The following LIG3 variants were observed in gnomAD, a reference collection of about 807,000 sequenced individuals.
LIG3 encodes DNA ligase 3.
LIG3 carries 58 observed loss-of-function variants against 110.9 expected under a neutral mutation model. The ratio of observed to expected loss-of-function variants is 0.52; its 90% CI spans 0.42 to 0.65. The LOEUF (loss-of-function observed/expected upper bound fraction) is 0.65. Ranked by LOEUF, LIG3 falls within the 30% of genes least tolerant of loss-of-function variation. The pLI, the probability that LIG3 is intolerant of heterozygous loss-of-function variation, is 0.00. For missense variants in LIG3, 1,094 were observed against 1,273.8 expected (o/e 0.86, Z 2.15); for synonymous variants, 422 against 472.8 (o/e 0.89, Z 1.39).
intron 13 of LIG3, 140 bp downstream of exon 13, chr17:34,998,436 C>G: frequency 9.1e-7 from 1 of 1,095,642 alleles, no homozygotes. Context: ...CAGATGTGTC[C>G]TGGATCTGGA....
chr17:34,994,146 C>T (rs1367366774), intron 8 of LIG3, 130 bp from the exon 9 acceptor site: 5 of 740,570 alleles, frequency 6.8e-6, no homozygotes, highest in East Asian at 2.8e-5. Context: ...CTTCCCTGAG[C>T]GTTAATTGTG....
intron 4 of LIG3, chr17:34,989,889 G>C (rs1157847127): frequency 1.1e-5 from 6 of 541,038 alleles, no homozygotes; most frequent in Non-Finnish European, 2.0e-5. Context: ...GAGCACTTTG[G>C]CATCTGTCTT....
intron 8 of LIG3, among the ~76,000 whole-genome samples, chr17:34,993,848 C>T (rs915551176): frequency 6.6e-6 from 1 of 152,112 alleles, no homozygotes; most frequent in Admixed American, 6.5e-5. Flanking sequence ...TAGGGACCCA[C>T]GATCACTCAC....
At chr17:34,996,852 A>G (rs2090783632) in intron 11 of LIG3, among the ~76,000 whole-genome samples, 199 bp downstream of exon 11, 2 of 152,234 alleles carry the variant, frequency 1.3e-5, no homozygotes, top group Admixed American at 1.3e-4. Context: ...TCAGTTCCCC[A>G]TTCAGTGTAA....
At chr17:34,997,013 ATGGCACCCCTAGGGGCTCCAG>A (rs1251176292) in intron 11 of LIG3, 4 of 195,468 alleles carry the variant, frequency 2.0e-5, no homozygotes, top group Admixed American at 5.4e-5. Flanking sequence ...TATTTCTCCA[ATGGCACCCCTAGGGGCTCCAG>A]TGGCACCCCT....
rs753760714 is a variant in LIG3 at position 35,005,289 on chromosome 17, T to C, written c.*783T>C. On this transcript the variant is annotated 3_prime_UTR_variant, in exon 20 of 20. Transcript: ENST00000378526. ...GGCTTGAGGCCAAGAACAGCCCTTGTTGCCACCAACATGGAGACTTTGTAC... is the reference window on the plus strand; with the variant it reads ...GGCTTGAGGCCAAGAACAGCCCTTGCTGCCACCAACATGGAGACTTTGTAC... The C allele has an allele frequency of 2.6e-5, 14 of 536,970 alleles. No homozygotes were observed. Among genetic ancestry groups the C allele is most frequent in the South Asian group, 1.9e-4 (14 of 71,876 alleles). 33.3% of individuals were successfully genotyped at this position (536,970 alleles called of 1,614,324 possible). A position where few individuals can be genotyped will look rare whatever the true frequency, so the allele number is the denominator to read the frequency against.
At chr17:34,983,880 T>C (rs1449901526) in intron 2 of LIG3, among the ~76,000 whole-genome samples, 1 of 152,238 alleles carries the variant, frequency 6.6e-6, no homozygotes, top group African/African-American at 2.4e-5. Context: ...TTCATATTCC[T>C]TTTACCCATA....
rs3135984 is a variant in LIG3 at position 34,992,120 on chromosome 17, G to A, written c.1286+85G>A. On this transcript the variant is annotated intron_variant, in intron 7 of 19. Transcript: ENST00000378526. ...CTGGTGTCAGGACTTTTGAGTCCCA[G>A]TCAGGATTTGAATCCCCCTTCCACC... is the stretch of plus-strand genomic sequence containing the variant. The A allele has an allele frequency of 5.7e-3, 6,754 of 1,193,894 alleles. 272 individuals carry two copies. In the African/African-American group the frequency reaches 0.087, roughly 15 times the overall value. The allele number at this position is 1,193,894 out of a possible 1,614,324, so 74.0% of individuals were successfully genotyped here. A position where few individuals can be genotyped will look rare whatever the true frequency, so the allele number is the denominator to read the frequency against.
intron 11 of LIG3, among the ~76,000 whole-genome samples, chr17:34,996,882 C>T (rs2142270193): frequency 6.6e-6 from 1 of 152,316 alleles, no homozygotes; most frequent in Non-Finnish European, 1.5e-5. Context: ...CATGTGTTGA[C>T]TCCATCTCTT....
At chr17:34,991,257 G>A in intron 5 of LIG3, 143 bp downstream of exon 5, 1 of 746,488 alleles carries the variant, frequency 1.3e-6, no homozygotes, top group Non-Finnish European at 2.1e-6. Flanking sequence ...TTCCGTTATA[G>A]GGGGAGCTGA....
Position 35,007,100 on chromosome 17 carries a change from GGCA to G in LIG3, c.*2599_*2601del, listed in dbSNP as rs1264513426. 1 of 152,210 alleles carries G rather than the reference GGCA, an allele frequency of 6.6e-6. No individual in the cohort carries two copies. The highest frequency in any genetic ancestry group is 2.4e-5 in the African/African-American group (1 of 41,428). 9.4% of individuals were successfully genotyped at this position (152,210 alleles called of 1,614,324 possible). On this transcript the variant is annotated 3_prime_UTR_variant, in exon 20 of 20. Coordinates refer to ENST00000378526, the MANE Select transcript of LIG3 (RefSeq NM_013975.4). ...TCAGGCCAAACAAACAACCGGACAG[GGCA>G]GCAGAACAAGGCTGTCTCCTCAGGA...
Position 35,005,110 on chromosome 17 carries a change from G to T in LIG3, c.*604G>T, listed in dbSNP as rs550824398. On this transcript the variant is annotated 3_prime_UTR_variant, in exon 20 of 20. Coordinates refer to ENST00000378526, the MANE Select transcript of LIG3 (RefSeq NM_013975.4). ...CATGGTGAGGATCCCCAGTTTGAAG[G>T]GAGGGGACTAGGGTCAGGTAGGAAA... 23 of 341,090 alleles carry T rather than the reference G, an allele frequency of 6.7e-5. No homozygotes were observed. The highest frequency in any genetic ancestry group is 4.7e-4 in the African/African-American group (22 of 46,726). 21.1% of individuals were successfully genotyped at this position (341,090 alleles called of 1,614,324 possible). A position where few individuals can be genotyped will look rare whatever the true frequency, so the allele number is the denominator to read the frequency against.
Position 34,983,128 on chromosome 17 carries a change from A to G in LIG3, c.123A>G (p.Thr41=), listed in dbSNP as rs373459971. Residue 41 remains threonine (T), a synonymous_variant, in exon 2 of 20, where the codon ACA becomes ACG. Transcript: ENST00000378526. The part of the protein sequence containing the change: ...DVRQFSQWSE[T]DLLHGHPLFL... ...GACAATTCAGCCAGTGGTCAGAAAC[A>G]GATCTGCTTCATGGACATCCCCTCT... The G allele has an allele frequency of 7.4e-6, 12 of 1,614,082 alleles. No individual in the cohort carries two copies. In the African/African-American group the frequency reaches 1.5e-4, roughly 20 times the overall value.
chr17:34,987,824 A>AC (rs2090673113), intron 3 of LIG3, among the ~76,000 whole-genome samples: 1 of 152,138 alleles, frequency 6.6e-6, no homozygotes. Flanking sequence ...TGCCTCATCT[A>AC]CCCCATAGTG....
intron 11 of LIG3, 71 bp from the exon 12 acceptor site, chr17:34,997,667 C>G (rs2090792863): frequency 1.8e-6 from 2 of 1,120,356 alleles, no homozygotes; most frequent in Admixed American, 1.7e-5. Context: ...CATTGTGGCC[C>G]TTCCTTCCTC....
chr17:34,996,542 A>T (rs779311712), intron 10 of LIG3, 32 bp from the exon 11 acceptor site: 2 of 1,557,848 alleles, frequency 1.3e-6, no homozygotes, highest in African/African-American at 2.7e-5. Context: ...CTTTTGTCCT[A>T]TGTGTACCTA....
chr17:35,002,577 C>G, intron 18 of LIG3, 91 bp from the exon 19 acceptor site: 1 of 1,413,748 alleles, frequency 7.1e-7, no homozygotes, highest in Non-Finnish European at 9.6e-7. Flanking sequence ...TAGCTCACTG[C>G]AGCCTCGAAC....
chr17:34,984,959 G>A (rs1207094847), intron 2 of LIG3, among the ~76,000 whole-genome samples: 1 of 152,028 alleles, frequency 6.6e-6, no homozygotes, highest in East Asian at 1.9e-4. Flanking sequence ...TGTGTTTTTA[G>A]TAGAGACAGG....
At chr17:34,998,905 G>C (rs2090809904) in intron 14 of LIG3, 178 bp downstream of exon 14, 2 of 669,486 alleles carry the variant, frequency 3.0e-6, no homozygotes, top group Admixed American at 3.0e-5. Flanking sequence ...TACTCGGTTA[G>C]GGAGAAGTCA....
Sources: allele counts gnomAD v4.1 joint callset (sites outside exome capture counted in the v4.1 genomes callset), GRCh38; gene constraint gnomAD v4.1.1; transcripts MANE v1.5; gene names NCBI Gene and HGNC (gene_info 2026-07-23, HGNC 2026-07-21).